Variants in GRM8 observed in about 807,000 individuals in gnomAD.
GRM8 encodes the protein glutamate metabotropic receptor 8.
Under a neutral mutation model 87.2 loss-of-function variants are expected in GRM8, and 47 were observed. The observed-to-expected ratio is 0.54, with a 90% CI of 0.43 to 0.69. The LOEUF is 0.69. Among genes scored for constraint, GRM8 ranks in the 30% least tolerant of loss-of-function variants. The pLI, the probability that GRM8 is intolerant of heterozygous loss-of-function variation, is 0.00. For synonymous variants in GRM8, 396 were observed against 404.5 expected, an observed-to-expected ratio of 0.98 and a Z score of 0.25; for missense variants, 1,019 against 1,139.2, an observed-to-expected ratio of 0.89 and a Z score of 1.52.
intron 7 of GRM8, among the ~76,000 whole-genome samples, chr7:126,620,854 T>C (rs1165377877): frequency 6.6e-6 from 1 of 152,204 alleles, no homozygotes; most frequent in East Asian, 1.9e-4. Flanking sequence ...CATTCACCTT[T>C]ATGTGCAAAA....
intron 3 of GRM8, among the ~76,000 whole-genome samples, chr7:127,022,997 A>C (rs1816427713): frequency 6.6e-6 from 1 of 152,082 alleles, no homozygotes; most frequent in Admixed American, 6.6e-5. Context: ...ACTTTCTAGA[A>C]ACCCAGCTAT....
chr7:126,551,402 C>T (rs1270710605), intron 8 of GRM8, among the ~76,000 whole-genome samples: 1 of 152,114 alleles, frequency 6.6e-6, no homozygotes, highest in African/African-American at 2.4e-5. Flanking sequence ...CCTATGACTG[C>T]CCATGGTTTT....
In GRM8 at chr7:126,922,775, A is replaced by T. The variant is rs778112372; in HGVS notation, c.728-18092T>A. Among the ~76,000 whole-genome samples the T allele has an allele frequency of 1.7e-3, 258 of 152,238 alleles. 4 individuals are homozygous for T. Among genetic ancestry groups the T allele is most frequent in the East Asian group, 5.8e-4 (3 of 5,158 alleles). On this transcript the variant is annotated intron_variant, in intron 3 of 10. Coordinates refer to ENST00000339582, the MANE Select transcript of GRM8 (RefSeq NM_000845.3). The stretch of plus-strand genomic sequence containing the variant: ...GAGTTCTCATGAATGGTTTAGCAAC[A>T]TCCACCCTTGCTACTGTACAGTGAG...
At chr7:126,725,949 G>T (rs1812922108) in intron 7 of GRM8, among the ~76,000 whole-genome samples, 1 of 152,140 alleles carries the variant, frequency 6.6e-6, no homozygotes, top group South Asian at 2.1e-4. Flanking sequence ...TGAGGGATCT[G>T]CCCCCAGGAT....
intron 7 of GRM8, among the ~76,000 whole-genome samples, chr7:126,649,084 A>G (rs1304742818): frequency 6.6e-6 from 1 of 152,216 alleles, no homozygotes; most frequent in Admixed American, 6.5e-5. Context: ...GTGGATCCCA[A>G]ATGTGAATTA....
At chr7:126,780,603 GA>G (rs1354173265) in intron 6 of GRM8, among the ~76,000 whole-genome samples, 1 of 152,150 alleles carries the variant, frequency 6.6e-6, no homozygotes, top group Non-Finnish European at 1.5e-5. Flanking sequence ...AAGGGAAGTA[GA>G]GGGGAGCACA....
chr7:127,172,931 T>G (rs1186732877), intron 2 of GRM8, among the ~76,000 whole-genome samples: 2 of 152,176 alleles, frequency 1.3e-5, no homozygotes, highest in Admixed American at 1.3e-4. Context: ...CAAGCTTGCA[T>G]CAAAATTGTG....
intron 8 of GRM8, among the ~76,000 whole-genome samples, chr7:126,586,238 T>G (rs374058860): frequency 7.9e-5 from 12 of 152,066 alleles, no homozygotes; most frequent in African/African-American, 2.9e-4. Flanking sequence ...ATCAATATCA[T>G]GAAAATGGCC....
At chr7:126,513,810 C>T (rs992517665) in intron 9 of GRM8, among the ~76,000 whole-genome samples, 1 of 152,092 alleles carries the variant, frequency 6.6e-6, no homozygotes, top group African/African-American at 2.4e-5. Flanking sequence ...AATTCTCCAT[C>T]AGCCTAAATA....
chr7:126,920,333 A>C lies in GRM8; in HGVS notation c.728-15650T>G, dbSNP rs141060283. Among the ~76,000 whole-genome samples, 367 of 152,298 alleles carry C rather than the reference A, an allele frequency of 2.4e-3. 1 individual carries two copies. Among genetic ancestry groups the C allele is most frequent in the African/African-American group, 8.4e-3 (351 of 41,552 alleles). ...TATTTTGATTTAGCAACCTGAGCTAAAACACTCTAATTCCTCCAAATACCC... is the reference window on the plus strand; with the variant it reads ...TATTTTGATTTAGCAACCTGAGCTACAACACTCTAATTCCTCCAAATACCC... On this transcript the variant is annotated intron_variant, in intron 3 of 10. Coordinates refer to ENST00000339582, the MANE Select transcript of GRM8 (RefSeq NM_000845.3).
chr7:127,070,311 TTTGA>T (rs1213238981), intron 3 of GRM8, among the ~76,000 whole-genome samples: 2 of 152,304 alleles, frequency 1.3e-5, no homozygotes, highest in East Asian at 1.9e-4. Context: ...CGCCTCTGTG[TTTGA>T]TTGTTTTCTA....
Position 126,903,979 on chromosome 7 carries a change from T to G in GRM8, c.1011A>C (p.Ser337=). 1 of 1,487,642 alleles carries G rather than the reference T, an allele frequency of 6.7e-7. No homozygotes were observed. Among genetic ancestry groups the G allele is most frequent in the South Asian group, 1.1e-5 (1 of 87,214 alleles). The allele number at this position is 1,487,642 out of a possible 1,614,324, so 92.2% of individuals were successfully genotyped here. The change falls in exon 5 of 11, where the codon TCA becomes TCC. Residue 337 remains serine (S), a synonymous_variant. Transcript: ENST00000339582. ...GAVTILPKRA[S]IDGFDRYFRS... Reference sequence around the variant, plus strand: ...TCTATGGTGCATTCTTACCATCAATTGATGCTCGTTTGGGCAAAATTGTCA... The same window carrying G: ...TCTATGGTGCATTCTTACCATCAATGGATGCTCGTTTGGGCAAAATTGTCA...
At chr7:127,158,421 A>G (rs951030639) in intron 2 of GRM8, among the ~76,000 whole-genome samples, 3 of 152,228 alleles carry the variant, frequency 2.0e-5, no homozygotes, top group African/African-American at 7.2e-5. Flanking sequence ...TTGGGTGAAG[A>G]CATGACATTC....
intron 8 of GRM8, among the ~76,000 whole-genome samples, chr7:126,606,021 C>G (rs1179692527): frequency 6.6e-6 from 1 of 152,138 alleles, no homozygotes. Context: ...CTGAATTTCC[C>G]AAATCTATTC....
chr7:126,579,539 T>C (rs1162379366), intron 8 of GRM8, among the ~76,000 whole-genome samples: 5 of 152,172 alleles, frequency 3.3e-5, no homozygotes, highest in East Asian at 1.9e-4. Context: ...TGGCAGGCAA[T>C]AGACCTGACA....
intron 7 of GRM8, among the ~76,000 whole-genome samples, chr7:126,671,013 G>A (rs1585454313): frequency 6.6e-6 from 1 of 152,156 alleles, no homozygotes; most frequent in Non-Finnish European, 1.5e-5. Flanking sequence ...TTTGCAACAG[G>A]ACACAATTAG....
chr7:126,643,813 T>C (rs10236824), intron 7 of GRM8, among the ~76,000 whole-genome samples: 3,389 of 152,322 alleles, frequency 0.022, 144 homozygotes, highest in African/African-American at 0.078. Flanking sequence ...GCTTCAACAT[T>C]ATTCTGTCAA....
chr7:126,647,372 T>C (rs1047789369), intron 7 of GRM8, among the ~76,000 whole-genome samples: 3 of 150,856 alleles, frequency 2.0e-5, no homozygotes, highest in South Asian at 4.2e-4. Flanking sequence ...TAAATAGATA[T>C]ATAAATATAT....
chr7:126,547,553 C>T (rs1430318379), intron 8 of GRM8, among the ~76,000 whole-genome samples: 2 of 151,316 alleles, frequency 1.3e-5, no homozygotes. Context: ...AATGAAGACT[C>T]AATAGAATAA....
Sources: gnomAD v4.1 joint callset for allele counts (sites outside exome capture counted in the v4.1 genomes callset) on GRCh38, gnomAD v4.1.1 for gene constraint, MANE v1.5 for transcripts, NCBI Gene and HGNC (gene_info 2026-07-23, HGNC 2026-07-21) for gene names.